Variants in KDR observed in about 807,000 individuals in gnomAD.
The protein encoded by KDR is kinase insert domain receptor, also known as vascular endothelial growth factor receptor 2.
Under a neutral mutation model 160.9 loss-of-function variants are expected in KDR, and 43 were observed. That is an observed-to-expected ratio of 0.27 (90% CI 0.21 to 0.34). The LOEUF is 0.34. Among genes scored for constraint, KDR ranks in the 10% least tolerant of loss-of-function variants. The pLI is 1.00. For missense variants in KDR, 1,469 were observed against 1,666.4 expected (o/e 0.88, Z 2.06); for synonymous variants, 617 against 600.1 (o/e 1.03, Z -0.41).
chr4:55,121,462 G>C (rs772711061), intron 1 of KDR, among the ~76,000 whole-genome samples: 10 of 152,274 alleles, frequency 6.6e-5, no homozygotes, highest in Admixed American at 2.6e-4. Flanking sequence ...CCAACTTCAA[G>C]GTCTTACAAA....
rs1412752377 is a variant in KDR at position 55,125,271 on chromosome 4, G to A, written c.23C>T (p.Ala8Val). Residue 8 changes from alanine to valine, a missense_variant, in exon 1 of 30, where the codon GCC becomes GTC. Physicochemically the swap from Ala to Val is moderately conservative, Grantham distance 64. This residue lies in a region of KDR where 792 missense variants were observed against 840.9 expected (regional missense o/e 0.94). Coordinates refer to ENST00000263923, the MANE Select transcript of KDR (RefSeq NM_002253.4). The stretch of plus-strand genomic sequence containing the variant: ...CTCCACGCAGAGCCACAGGGCGACG[G>A]CCAGCAGCACCTTGCTCTGCATCCT... The part of the protein sequence containing the change: MQSKVLL[A>V]VALWLCVETR... 1 of 1,612,836 alleles carries A rather than the reference G, an allele frequency of 6.2e-7. No homozygotes were observed. The highest frequency in any genetic ancestry group is 8.5e-7 in the Non-Finnish European group (1 of 1,179,716).
intron 10 of KDR, among the ~76,000 whole-genome samples, chr4:55,107,477 C>A (rs990281128): frequency 2.6e-5 from 4 of 152,136 alleles, no homozygotes; most frequent in African/African-American, 9.7e-5. Flanking sequence ...GCAAACTGAG[C>A]AAATAGCCTG....
At chr4:55,105,244 T>C (rs1207041459) in intron 12 of KDR, among the ~76,000 whole-genome samples, 5 of 152,228 alleles carry the variant, frequency 3.3e-5, no homozygotes. Flanking sequence ...CAATGTTTAA[T>C]ATATTAAAAA....
intron 1 of KDR, among the ~76,000 whole-genome samples, chr4:55,122,467 A>AGTATGAG (rs1230627871): frequency 6.6e-6 from 1 of 152,204 alleles, no homozygotes; most frequent in Non-Finnish European, 1.5e-5. Context: ...GTATGAACAA[A>AGTATGAG]TAGGACGAAG....
In KDR at chr4:55,115,263, G is replaced by A. The variant is rs760543515; in HGVS notation, c.489+18C>T. The A allele has an allele frequency of 2.5e-6, 4 of 1,594,244 alleles. No individual in the cohort carries two copies. The highest frequency in any genetic ancestry group is 3.4e-6 in the Non-Finnish European group (4 of 1,162,058). On this transcript the variant is annotated intron_variant, in intron 4 of 29. Transcript: ENST00000263923. The stretch of plus-strand genomic sequence containing the variant: ...AATTATAAAAACTTAAGAGACGATT[G>A]GAGGAGATGCAACTTACTGCACAAA...
chr4:55,105,207 T>G (rs1720415346), intron 12 of KDR, among the ~76,000 whole-genome samples: 1 of 149,322 alleles, frequency 6.7e-6, no homozygotes, highest in African/African-American at 2.4e-5. Context: ...CTCAGATATT[T>G]ACCACATCTC....
intron 3 of KDR, among the ~76,000 whole-genome samples, chr4:55,116,341 C>T (rs1004686569): frequency 8.1e-5 from 12 of 148,262 alleles, no homozygotes; most frequent in South Asian, 2.1e-4. Flanking sequence ...TCATTTGAAC[C>T]GGGGGGCAGA....
rs953919088 is a variant in KDR at position 55,094,828 on chromosome 4, G to C, written c.2945C>G (p.Ser982Cys). 2 of 1,613,884 alleles carry C rather than the reference G, an allele frequency of 1.2e-6. No homozygotes were observed. The highest frequency in any genetic ancestry group is 1.7e-5 in the Admixed American group (1 of 60,006). Reference protein sequence around the residue: ...SASSGFVEEKSLSDVEEEEAP... With the variant: ...SASSGFVEEKCLSDVEEEEAP... ...TTCCTCTTCTTCTACATCACTGAGG[G>C]ACTTCTCCTCCACAAATCCAGAGCT... Residue 982 changes from serine to cysteine, a missense_variant, in exon 21 of 30, where the codon TCC becomes TGC. By Grantham distance (112) the Ser-to-Cys change is moderately radical (BLOSUM62 -1). This residue lies in a region of KDR where 151 missense variants were observed against 207.2 expected (regional missense o/e 0.73). Coordinates refer to ENST00000263923, the MANE Select transcript of KDR (RefSeq NM_002253.4).
chr4:55,090,809 T>C (rs929051391), intron 22 of KDR, among the ~76,000 whole-genome samples: 7 of 151,954 alleles, frequency 4.6e-5, no homozygotes, highest in Admixed American at 4.6e-4. Flanking sequence ...AAAATGAGTC[T>C]TGGGGAGCAC....
chr4:55,099,026 T>G (rs1165301159), intron 15 of KDR, among the ~76,000 whole-genome samples: 1 of 144,116 alleles, frequency 6.9e-6, no homozygotes, highest in Admixed American at 6.8e-5. Context: ...TTTATTTATT[T>G]ATTTTTAGAG....
chr4:55,113,584 T>C, intron 6 of KDR, 103 bp from the exon 7 acceptor site: 1 of 1,037,880 alleles, frequency 9.6e-7, no homozygotes, highest in Non-Finnish European at 1.5e-6. Flanking sequence ...TAAACATTAT[T>C]TAATGCTAAA....
chr4:55,107,017 G>A (rs1720461420), intron 10 of KDR, among the ~76,000 whole-genome samples: 1 of 152,174 alleles, frequency 6.6e-6, no homozygotes, highest in Non-Finnish European at 1.5e-5. Context: ...GGATACAGGA[G>A]GGAAGCAGCT....
At chr4:55,116,525 G>A (rs1046775920) in intron 3 of KDR, among the ~76,000 whole-genome samples, 2 of 152,028 alleles carry the variant, frequency 1.3e-5, no homozygotes, top group African/African-American at 2.4e-5. Flanking sequence ...ATGATGTGGT[G>A]TGGAGTCATG....
In KDR at chr4:55,118,678, C is replaced by G; in HGVS notation, c.284G>C (p.Gly95Ala). The G allele has an allele frequency of 6.2e-7, 1 of 1,614,154 alleles. No homozygotes were observed. Among genetic ancestry groups the G allele is most frequent in the Non-Finnish European group, 8.5e-7 (1 of 1,180,018 alleles). The change falls in exon 3 of 30, where the codon GGA (glycine) becomes GCA (alanine). Residue 95 changes from glycine (G) to alanine (A), a missense_variant. Transcript: ENST00000263923. ...CKTLTIPKVI[G>A]NDTGAYKCFY... is the part of the protein sequence containing the mutation. ...GCACTTGTAGGCTCCAGTGTCATTT[C>G]CGATCACTTTTGGAATTGTGAGTGT... is the stretch of plus-strand genomic sequence containing the variant.
intron 18 of KDR, among the ~76,000 whole-genome samples, chr4:55,097,453 A>T (rs1363149380): frequency 2.0e-5 from 3 of 152,164 alleles, no homozygotes; most frequent in Non-Finnish European, 2.9e-5. Flanking sequence ...GGTGAAAGCC[A>T]TTCCCAACTT....
At chr4:55,092,851 T>C (rs1478476321) in intron 21 of KDR, 137 bp from the exon 22 acceptor site, 2 of 696,548 alleles carry the variant, frequency 2.9e-6, no homozygotes, top group Admixed American at 4.1e-5. Context: ...TCAATGCTTC[T>C]ATCTTCTGTA....
Position 55,094,812 on chromosome 4 carries a change from T to C in KDR, c.2961A>G (p.Glu987=). The C allele has an allele frequency of 6.2e-7, 1 of 1,613,962 alleles. No homozygotes were observed. Among genetic ancestry groups the C allele is most frequent in the Non-Finnish European group, 8.5e-7 (1 of 1,179,846 alleles). Residue 987 remains glutamate, a synonymous_variant, in exon 21 of 30, where the codon GAA becomes GAG. Coordinates refer to ENST00000263923, the MANE Select transcript of KDR (RefSeq NM_002253.4). ...FVEEKSLSDV[E]EEEAPEDLYK... is the part of the protein sequence containing the mutation. ...AGCACTAGCCAGTACCTTCCTCTTC[T>C]TCTACATCACTGAGGGACTTCTCCT...
rs1371472759 is a variant in KDR at position 55,107,743 on chromosome 4, T to C, written c.1406A>G (p.Glu469Gly). 6.2e-7 allele frequency: 1 copy of C among 1,613,812 alleles called. No homozygotes were observed. The highest frequency in any genetic ancestry group is 8.5e-7 in the Non-Finnish European group (1 of 1,179,898). ...YWQLEEECAN[E>G]PSQAVSVTNP... ...AGCATGTGGCCTTACTCACCTGGGC[T>C]CGTTGGCGCACTCTTCCTCCAACTG... Residue 469 changes from glutamate to glycine, a missense_variant, in exon 10 of 30, where the codon GAG becomes GGG. Physicochemically the swap from Glu to Gly is moderately conservative, Grantham distance 98 (BLOSUM62 -2). This residue lies in a region of KDR where 792 missense variants were observed against 840.9 expected (regional missense o/e 0.94). Transcript: ENST00000263923.
rs557180453 is a variant in KDR at position 55,110,776 on chromosome 4, A to G, written c.977-8T>C. 2 of 1,523,644 alleles carry G rather than the reference A, an allele frequency of 1.3e-6. No homozygotes were observed. Among genetic ancestry groups the G allele is most frequent in the South Asian group, 2.3e-5 (2 of 87,916 alleles). 94.4% of individuals were successfully genotyped at this position (1,523,644 alleles called of 1,614,324 possible). ...AAGCAACAAAAGGTTTTTCTGGAAG[A>G]AAATAAAAAAAAAAAAAGGTCAACT... On this transcript the variant is annotated splice_polypyrimidine_tract_variant and splice_region_variant and intron_variant, in intron 7 of 29. Transcript: ENST00000263923.
Sources: allele counts gnomAD v4.1 joint callset (sites outside exome capture counted in the v4.1 genomes callset), GRCh38; gene constraint gnomAD v4.1.1; regional missense constraint gnomAD v4.1.1; transcripts MANE v1.5; gene names NCBI Gene and HGNC (gene_info 2026-07-23, HGNC 2026-07-21).